The following RYR3 variants were observed in gnomAD, a reference collection of about 807,000 sequenced individuals.
RYR3 encodes brain ryanodine receptor-calcium release channel.
Under a neutral mutation model 584.3 loss-of-function variants are expected in RYR3, and 207 were observed. The observed-to-expected ratio is 0.35, with a 90% CI of 0.32 to 0.40. RYR3 has a LOEUF of 0.40. RYR3 is among the 10% of genes least tolerant of loss of function. RYR3 has a pLI of 1.00. For missense variants in RYR3, 5,616 were observed against 6,089.2 expected, an observed-to-expected ratio of 0.92 and a Z score of 2.59; for synonymous variants, 2,416 against 2,248.5, an observed-to-expected ratio of 1.07 and a Z score of -2.11.
chr15:33,617,560 A>G (rs2060515890), intron 19 of RYR3, among the ~76,000 whole-genome samples: 1 of 152,204 alleles, frequency 6.6e-6, no homozygotes, highest in South Asian at 2.1e-4. Context: ...CTCCCATCAT[A>G]GAAGTCTTCA....
At chr15:33,706,610 C>T (rs1180220245) in intron 42 of RYR3, among the ~76,000 whole-genome samples, 4 of 152,158 alleles carry the variant, frequency 2.6e-5, no homozygotes, top group Non-Finnish European at 5.9e-5. Flanking sequence ...GTATATATCA[C>T]GTTTTGCTTA....
rs1972814902 is a variant in RYR3, at chr15:33,348,815, CTG to C, written c.51+37722_51+37723del. ...AAAATTGCATGCATTAAGTTTCACT[CTG>C]TGCTGTGAAGTTTGGCGAGTTTTGC... On this transcript the variant is annotated intron_variant, in intron 1 of 103. Coordinates refer to ENST00000634891, the MANE Select transcript of RYR3 (RefSeq NM_001036.6). Among the ~76,000 whole-genome samples the C allele has an allele frequency of 2.6e-5, 4 of 152,248 alleles. No individual in the cohort carries two copies. The South Asian group carries it at 8.3e-4, about 32-fold the overall frequency.
intron 16 of RYR3, among the ~76,000 whole-genome samples, chr15:33,594,655 A>G (rs1341051803): frequency 6.6e-6 from 1 of 152,194 alleles, no homozygotes; most frequent in East Asian, 1.9e-4. Context: ...TTCCAAAGTT[A>G]TCAGAAAACC....
chr15:33,670,620 TA>T (rs2063787953), intron 38 of RYR3, 64 bp downstream of exon 38: 1 of 1,472,700 alleles, frequency 6.8e-7, no homozygotes. Context: ...TAACTTTTTT[TA>T]AACAAATACT....
At chr15:33,714,235 A>C (rs940212788) in intron 43 of RYR3, among the ~76,000 whole-genome samples, 2 of 152,202 alleles carry the variant, frequency 1.3e-5, no homozygotes, top group Non-Finnish European at 2.9e-5. Context: ...GGTATTATTT[A>C]ATCACTGTTT....
intron 67 of RYR3, among the ~76,000 whole-genome samples, chr15:33,795,132 T>C (rs2075517206): frequency 6.6e-6 from 1 of 152,170 alleles, no homozygotes; most frequent in Non-Finnish European, 1.5e-5. Context: ...GCTTTCCTCT[T>C]CCCTGGTTTT....
At chr15:33,447,024 T>G (rs1486829320) in intron 1 of RYR3, among the ~76,000 whole-genome samples, 4 of 152,266 alleles carry the variant, frequency 2.6e-5, no homozygotes, top group South Asian at 4.1e-4. Context: ...GCACCACAGT[T>G]CTTTACTTGC....
At chr15:33,670,694 G>T in intron 38 of RYR3, 138 bp downstream of exon 38, 1 of 859,370 alleles carries the variant, frequency 1.2e-6, no homozygotes, top group Non-Finnish European at 1.7e-6. Flanking sequence ...TATAATTGCT[G>T]GTGGTTCAGT....
chr15:33,735,309 G>A (rs1256563309), intron 48 of RYR3, among the ~76,000 whole-genome samples: 1 of 152,176 alleles, frequency 6.6e-6, no homozygotes, highest in Non-Finnish European at 1.5e-5. Flanking sequence ...TCACCCTGGG[G>A]CTTTTTATCA....
intron 32 of RYR3, among the ~76,000 whole-genome samples, chr15:33,655,780 C>T (rs936509278): frequency 2.6e-4 from 39 of 152,318 alleles, no homozygotes; most frequent in African/African-American, 7.5e-4. Flanking sequence ...GAGACAGTAA[C>T]GTGTCCTGCC....
intron 94 of RYR3, 130 bp downstream of exon 94, chr15:33,848,551 C>A: frequency 1.9e-6 from 2 of 1,039,636 alleles, no homozygotes; most frequent in South Asian, 1.8e-5. Context: ...TTCTCCCTTG[C>A]CTCTTCAATA....
At chr15:33,605,075 C>T (rs2059843295) in intron 18 of RYR3, among the ~76,000 whole-genome samples, 1 of 152,146 alleles carries the variant, frequency 6.6e-6, no homozygotes, top group South Asian at 2.1e-4. Flanking sequence ...ATGAAGCATA[C>T]CTAGACCCTG....
chr15:33,647,430 G>C lies in RYR3; in HGVS notation c.3948G>C (p.Gln1316His). The change falls in exon 30 of 104, where the codon CAG becomes CAC. Residue 1316 changes from glutamine (Q) to histidine (H), a missense_variant. Gln to His is a conservative substitution (Grantham distance 24, BLOSUM62 0). Coordinates refer to ENST00000634891, the MANE Select transcript of RYR3 (RefSeq NM_001036.6). The stretch of plus-strand genomic sequence containing the variant: ...TGGATTATCTTTCCCCCAGGAAACA[G>C]ATGCAAGAAATACTCTCTCATACAA... ...LDSEAFQKRK[Q>H]MQEILSHTTT... 6.2e-7 allele frequency: 1 copy of C among 1,607,850 alleles called. No homozygotes were observed.
chr15:33,823,170 A>C, intron 81 of RYR3, 98 bp downstream of exon 81: 1 of 935,564 alleles, frequency 1.1e-6, no homozygotes, highest in East Asian at 2.5e-5. Context: ...CCTACCATAG[A>C]ATTCTTGAGA....
intron 1 of RYR3, among the ~76,000 whole-genome samples, chr15:33,392,242 ACT>A (rs1458423277): frequency 1.3e-5 from 2 of 150,786 alleles, no homozygotes; most frequent in Non-Finnish European, 3.0e-5. Context: ...GAATGAAGAG[ACT>A]CTGTCTGGGT....
chr15:33,421,860 G>A (rs2044266824), intron 1 of RYR3, among the ~76,000 whole-genome samples: 1 of 152,094 alleles, frequency 6.6e-6, no homozygotes, highest in Non-Finnish European at 1.5e-5. Flanking sequence ...AAAGAAAAAC[G>A]GATGAATTTT....
At chr15:33,416,459 G>A (rs1419357252) in intron 1 of RYR3, among the ~76,000 whole-genome samples, 2 of 152,102 alleles carry the variant, frequency 1.3e-5, no homozygotes, top group Admixed American at 6.5e-5. Context: ...AATTAGTAAT[G>A]ATGAGCATTT....
chr15:33,473,204 C>T (rs1014723591), intron 1 of RYR3: 5 of 683,166 alleles, frequency 7.3e-6, no homozygotes, highest in African/African-American at 7.0e-5. Flanking sequence ...CCACTGACCT[C>T]ACTCCAGGAT....
Position 33,613,199 on chromosome 15 carries a change from T to A in RYR3, c.2181T>A (p.Ala727=). The change falls in exon 19 of 104, where the codon GCT becomes GCA. Residue 727 remains alanine (A), a synonymous_variant. Coordinates refer to ENST00000634891, the MANE Select transcript of RYR3 (RefSeq NM_001036.6). The part of the protein sequence containing the change: ...LHLWSGRIPR[A]VASINQHLLR... ...CCTCACCAGGCCGGATACCCAGAGC[T>A]GTGGCTTCCATCAACCAGCACCTCC... 1 of 1,613,678 alleles carries A rather than the reference T, an allele frequency of 6.2e-7. No homozygotes were observed. Among genetic ancestry groups the A allele is most frequent in the African/African-American group, 1.3e-5 (1 of 75,038 alleles).
Sources: gnomAD v4.1 joint callset for allele counts (sites outside exome capture counted in the v4.1 genomes callset) on GRCh38, gnomAD v4.1.1 for gene constraint, MANE v1.5 for transcripts, NCBI Gene and HGNC (gene_info 2026-07-23, HGNC 2026-07-21) for gene names.